PDE4B: variants seen among roughly 807,000 people sequenced by gnomAD.
PDE4B encodes phosphodiesterase 4B.
In PDE4B, 20 loss-of-function variants were observed where a neutral mutation model predicts 82.2. The ratio of observed to expected loss-of-function variants is 0.24; its 90% CI spans 0.17 to 0.35. The LOEUF is 0.35. PDE4B is among the 10% of genes least tolerant of loss of function. PDE4B has a pLI of 1.00. For synonymous variants in PDE4B, 320 were observed against 318.9 expected, an observed-to-expected ratio of 1.00 and a Z score of -0.04; for missense variants, 655 against 907.2, an observed-to-expected ratio of 0.72 and a Z score of 3.57.
chr1:66,223,431 C>T (rs1444135880), intron 3 of PDE4B, among the ~76,000 whole-genome samples: 1 of 152,178 alleles, frequency 6.6e-6, no homozygotes, highest in African/African-American at 2.4e-5. Flanking sequence ...ATTCAATTTT[C>T]CCTCAGTTAT....
intron 7 of PDE4B, among the ~76,000 whole-genome samples, chr1:66,295,149 C>G (rs1186376406): frequency 6.6e-6 from 1 of 152,086 alleles, no homozygotes; most frequent in South Asian, 2.1e-4. Context: ...GAACCTGGGA[C>G]AGGTTTGTTC....
At chr1:66,064,032 G>A (rs1183829388) in intron 3 of PDE4B, among the ~76,000 whole-genome samples, 2 of 151,934 alleles carry the variant, frequency 1.3e-5, no homozygotes, top group East Asian at 3.9e-4. Context: ...CCAAAATTGA[G>A]TCAGTGCTTT....
chr1:66,344,685 G>A (rs1186769867), intron 8 of PDE4B, among the ~76,000 whole-genome samples: 2 of 152,126 alleles, frequency 1.3e-5, no homozygotes, highest in Non-Finnish European at 2.9e-5. Context: ...TAAATACATT[G>A]GGTTAAAATG....
chr1:66,250,456 AT>A (rs1472984222), intron 4 of PDE4B, among the ~76,000 whole-genome samples: 1 of 152,234 alleles, frequency 6.6e-6, no homozygotes, highest in Admixed American at 6.5e-5. Context: ...GTAACAGAAA[AT>A]TATAGTCAGG....
At position 66,368,300 on chromosome 1, in the gene PDE4B, G is replaced by A. The variant is rs138043130; in HGVS notation, c.1662+235G>A. ...TGCTTATTAGTTATATAAATAAATC[G>A]CAAAATCTATTTGTAATAGGGCATA... On this transcript the variant is annotated intron_variant, in intron 15 of 16. Coordinates refer to ENST00000341517, the MANE Select transcript of PDE4B (RefSeq NM_002600.4). 2.5e-3 allele frequency: 1,123 copies of A among 453,648 alleles called. 15 individuals carry two copies. In the East Asian group the frequency reaches 0.036, roughly 15 times the overall value. The allele number at this position is 453,648 out of a possible 1,614,324, so 28.1% of individuals were successfully genotyped here.
At chr1:65,914,719 A>G (rs1016972960) in intron 2 of PDE4B, among the ~76,000 whole-genome samples, 4 of 152,036 alleles carry the variant, frequency 2.6e-5, no homozygotes, top group African/African-American at 7.2e-5. Context: ...CGGACAAACC[A>G]TTAGTTCTTT....
chr1:66,254,639 C>T (rs934261222), intron 4 of PDE4B, among the ~76,000 whole-genome samples: 1 of 152,180 alleles, frequency 6.6e-6, no homozygotes, highest in African/African-American at 2.4e-5. Flanking sequence ...TCAGTGACTA[C>T]CTTAAACTCC....
chr1:66,321,952 A>G (rs1659435300), intron 7 of PDE4B, among the ~76,000 whole-genome samples: 1 of 152,208 alleles, frequency 6.6e-6, no homozygotes, highest in Non-Finnish European at 1.5e-5. Flanking sequence ...CCAAAACAAC[A>G]TGGTACTGGT....
chr1:66,251,987 A>T (rs1027092398), intron 4 of PDE4B, among the ~76,000 whole-genome samples: 20 of 152,108 alleles, frequency 1.3e-4, no homozygotes, highest in African/African-American at 4.6e-4. Context: ...GGAAGCTTAA[A>T]GGCTAGTACT....
At chr1:66,185,448 G>A (rs2101432384) in intron 3 of PDE4B, among the ~76,000 whole-genome samples, 1 of 152,178 alleles carries the variant, frequency 6.6e-6, no homozygotes, top group African/African-American at 2.4e-5. Context: ...CTAGTTTACA[G>A]TCCCACCAAC....
intron 3 of PDE4B, among the ~76,000 whole-genome samples, chr1:65,922,350 G>C (rs181358023): frequency 5.9e-5 from 9 of 152,194 alleles, no homozygotes; most frequent in African/African-American, 9.6e-5. Context: ...GTTACATTTA[G>C]ACTGAGTAGC....
chr1:65,804,971 G>T (rs1276322864), intron 1 of PDE4B, among the ~76,000 whole-genome samples: 1 of 114,754 alleles, frequency 8.7e-6, no homozygotes, highest in Non-Finnish European at 1.7e-5. Flanking sequence ...GGGGGGGTGG[G>T]TGGGGGGTGG....
chr1:65,938,043 G>T (rs1346448929), intron 3 of PDE4B, among the ~76,000 whole-genome samples: 4 of 152,080 alleles, frequency 2.6e-5, no homozygotes, highest in Admixed American at 6.6e-5. Flanking sequence ...GTAATAATTG[G>T]TGTGAATAGT....
chr1:66,209,633 T>C (rs895015221), intron 3 of PDE4B, among the ~76,000 whole-genome samples: 5 of 152,228 alleles, frequency 3.3e-5, no homozygotes, highest in Non-Finnish European at 5.9e-5. Flanking sequence ...CCCACTCAAA[T>C]TATACATTTC....
chr1:65,862,214 A>T lies in PDE4B; in HGVS notation c.-70-51031A>T, dbSNP rs1030126990. On this transcript the variant is annotated intron_variant, in intron 1 of 16. Coordinates refer to ENST00000341517, the MANE Select transcript of PDE4B (RefSeq NM_002600.4). ...CATAAATAGCTCTTATTATTTTGAG[A>T]TATGTTCCATCAATACCTAGTTTAT... is the stretch of plus-strand genomic sequence containing the variant. 2.0e-5 allele frequency among the ~76,000 whole-genome samples: 3 copies of T among 152,274 alleles called. No homozygotes were observed. In the East Asian group the frequency reaches 5.8e-4, roughly 29 times the overall value.
At chr1:66,265,166 T>C (rs1275926191) in intron 6 of PDE4B, among the ~76,000 whole-genome samples, 1 of 152,160 alleles carries the variant, frequency 6.6e-6, no homozygotes, top group Non-Finnish European at 1.5e-5. Flanking sequence ...GCCTACTGAA[T>C]CAGCAACTCT....
intron 1 of PDE4B, among the ~76,000 whole-genome samples, chr1:65,845,491 C>T (rs986397390): frequency 3.3e-5 from 5 of 152,116 alleles, no homozygotes; most frequent in Non-Finnish European, 7.4e-5. Flanking sequence ...AGTTGTAACC[C>T]TAACTTTATT....
chr1:66,108,971 C>T (rs908584571), intron 3 of PDE4B, among the ~76,000 whole-genome samples: 3 of 151,932 alleles, frequency 2.0e-5, no homozygotes, highest in Non-Finnish European at 4.4e-5. Flanking sequence ...CCATTGCCCT[C>T]ATTCCATTAT....
At chr1:65,920,965 T>C (rs976559771) in intron 3 of PDE4B, among the ~76,000 whole-genome samples, 1 of 131,164 alleles carries the variant, frequency 7.6e-6, no homozygotes, top group Non-Finnish European at 1.6e-5. Flanking sequence ...ATTTCTTTTT[T>C]TTTTTTTTTT....
Sources: allele counts gnomAD v4.1 joint callset (sites outside exome capture counted in the v4.1 genomes callset), GRCh38; gene constraint gnomAD v4.1.1; transcripts MANE v1.5; gene names NCBI Gene and HGNC (gene_info 2026-07-23, HGNC 2026-07-21).